CHRM3: variants seen among roughly 807,000 people sequenced by gnomAD.
The protein encoded by CHRM3 is muscarinic acetylcholine receptor M3.
In CHRM3, 11 loss-of-function variants were observed where a neutral mutation model predicts 41.8. The ratio of observed to expected loss-of-function variants is 0.26; its 90% CI spans 0.17 to 0.44. The LOEUF is 0.44. Ranked by LOEUF, CHRM3 falls within the 20% of genes least tolerant of loss-of-function variation. CHRM3 has a pLI of 1.00. For synonymous variants in CHRM3, 297 were observed against 301.4 expected (o/e 0.99, Z 0.15); for missense variants, 571 against 745.4 (o/e 0.77, Z 2.72).
chr1:239,781,034 G>A (rs572928504), intron 5 of CHRM3, among the ~76,000 whole-genome samples: 55 of 152,266 alleles, frequency 3.6e-4, no homozygotes, highest in Non-Finnish European at 4.4e-5. Context: ...CTTGAAGTAA[G>A]ATGGTATCAG....
chr1:239,693,698 T>TG (rs1216776421), intron 5 of CHRM3, among the ~76,000 whole-genome samples: 1 of 152,102 alleles, frequency 6.6e-6, no homozygotes, highest in Non-Finnish European at 1.5e-5. Context: ...CCCAAGATAG[T>TG]GGGGGCAAGG....
At chr1:239,404,392 GAAAGAAAGAAAGAAAGAAAAAGAAAGAA>G (rs1558195364) in intron 1 of CHRM3, among the ~76,000 whole-genome samples, 145 of 69,868 alleles carry the variant, frequency 2.1e-3, no homozygotes, top group African/African-American at 6.8e-3. Flanking sequence ...AAGAAAGAAA[GAAAGAAAGAAAGAAAGAAAAAGAAAGAA>G]AGAAAGAAAG....
At chr1:239,833,688 G>A (rs1673070032) in intron 6 of CHRM3, among the ~76,000 whole-genome samples, 2 of 152,188 alleles carry the variant, frequency 1.3e-5, no homozygotes. Flanking sequence ...GCATGCTCTT[G>A]ATAACTGAGT....
intron 4 of CHRM3, among the ~76,000 whole-genome samples, chr1:239,650,766 G>T (rs1672163029): frequency 6.6e-6 from 1 of 152,160 alleles, no homozygotes; most frequent in African/African-American, 2.4e-5. Flanking sequence ...TAAACGTAAT[G>T]AGATTTTGTA....
At chr1:239,858,382 T>C (rs1354344838) in intron 6 of CHRM3, among the ~76,000 whole-genome samples, 2 of 152,158 alleles carry the variant, frequency 1.3e-5, no homozygotes, top group African/African-American at 4.8e-5. Flanking sequence ...AAGAATAACA[T>C]GAGGAATGTA....
chr1:239,778,683 C>T (rs192435976), intron 5 of CHRM3, among the ~76,000 whole-genome samples: 197 of 152,224 alleles, frequency 1.3e-3, no homozygotes, highest in Non-Finnish European at 1.7e-3. Flanking sequence ...ATTGTGAACC[C>T]GTTGGTTCGC....
At chr1:239,643,902 G>C (rs1316147489) in intron 4 of CHRM3, among the ~76,000 whole-genome samples, 2 of 152,182 alleles carry the variant, frequency 1.3e-5, no homozygotes, top group Non-Finnish European at 2.9e-5. Context: ...TTCCTATTCG[G>C]CCATCTTCTC....
intron 1 of CHRM3, among the ~76,000 whole-genome samples, chr1:239,489,142 G>A (rs1397881373): frequency 1.3e-5 from 2 of 152,154 alleles, no homozygotes; most frequent in African/African-American, 4.8e-5. Context: ...GGCCAGGCGT[G>A]GTGGCTCACG....
At chr1:239,711,188 C>T (rs951078306) in intron 5 of CHRM3, among the ~76,000 whole-genome samples, 4 of 152,060 alleles carry the variant, frequency 2.6e-5, no homozygotes, top group Non-Finnish European at 5.9e-5. Context: ...TCCACTACAC[C>T]GTAAGGTTTT....
At chr1:239,388,228 C>T (rs1013548073) in intron 1 of CHRM3, among the ~76,000 whole-genome samples, 3 of 152,158 alleles carry the variant, frequency 2.0e-5, no homozygotes, top group African/African-American at 7.2e-5. Flanking sequence ...TATGTCCCCT[C>T]GATCCCCGCC....
intron 2 of CHRM3, among the ~76,000 whole-genome samples, chr1:239,537,630 C>T (rs1282275998): frequency 1.3e-5 from 2 of 152,056 alleles, no homozygotes; most frequent in African/African-American, 2.4e-5. Flanking sequence ...TCCGTTTGTT[C>T]CCTAAATACT....
rs936844880 is a variant in CHRM3, at chr1:239,523,970, A to G, written c.-421-21671A>G. ...CACAGCACATTAAATGAAGTTCATT[A>G]GAAAGTGGGAGCTACAGGATGAAAC... On this transcript the variant is annotated intron_variant, in intron 2 of 6. Transcript: ENST00000676153. Among the ~76,000 whole-genome samples, 4 of 152,206 alleles carry G rather than the reference A, an allele frequency of 2.6e-5. No individual in the cohort carries two copies. In the East Asian group the frequency reaches 5.8e-4, roughly 22 times the overall value.
intron 2 of CHRM3, among the ~76,000 whole-genome samples, chr1:239,530,946 T>C (rs1203533732): frequency 6.6e-6 from 1 of 152,086 alleles, no homozygotes; most frequent in Non-Finnish European, 1.5e-5. Flanking sequence ...CCAATTTTTG[T>C]GAAACATATC....
intron 6 of CHRM3, among the ~76,000 whole-genome samples, chr1:239,902,999 A>G (rs1679699290): frequency 6.6e-6 from 1 of 152,220 alleles, no homozygotes; most frequent in Non-Finnish European, 1.5e-5. Flanking sequence ...TCAAAGTGTA[A>G]GAAGAATGAT....
intron 6 of CHRM3, among the ~76,000 whole-genome samples, chr1:239,860,624 A>C (rs1675558435): frequency 6.6e-6 from 1 of 152,214 alleles, no homozygotes; most frequent in Admixed American, 6.5e-5. Context: ...CATAGCCTGA[A>C]TGTAATTTCA....
At chr1:239,555,765 G>GT (rs1479020992) in intron 3 of CHRM3, among the ~76,000 whole-genome samples, 1 of 152,242 alleles carries the variant, frequency 6.6e-6, no homozygotes, top group Non-Finnish European at 1.5e-5. Flanking sequence ...TCACAAAGCT[G>GT]TAATGCTGCC....
At chr1:239,533,635 G>A (rs1410312701) in intron 2 of CHRM3, among the ~76,000 whole-genome samples, 1 of 150,064 alleles carries the variant, frequency 6.7e-6, no homozygotes, top group Non-Finnish European at 1.5e-5. Flanking sequence ...GGAGGCTGAG[G>A]CAGGAGAATT....
chr1:239,671,725 A>G (rs1674388848), intron 4 of CHRM3, among the ~76,000 whole-genome samples: 1 of 150,450 alleles, frequency 6.6e-6, no homozygotes, highest in Non-Finnish European at 1.5e-5. Context: ...TCATCCTGTT[A>G]CTCTGCCTTG....
chr1:239,556,384 T>C (rs1028562547), intron 3 of CHRM3, among the ~76,000 whole-genome samples: 2 of 152,188 alleles, frequency 1.3e-5, no homozygotes, highest in Non-Finnish European at 2.9e-5. Flanking sequence ...TCAAATGATA[T>C]CGTCTCATGG....
Sources: allele counts gnomAD v4.1 joint callset (sites outside exome capture counted in the v4.1 genomes callset), GRCh38; gene constraint gnomAD v4.1.1; transcripts MANE v1.5; gene names NCBI Gene and HGNC (gene_info 2026-07-23, HGNC 2026-07-21).